Variants in LARGE1 observed in about 807,000 individuals in gnomAD.
LARGE1 encodes LARGE xylosyl- and glucuronyltransferase 1, also known as xylosyl- and glucuronyltransferase LARGE1.
A neutral mutation model predicts 87.6 loss-of-function variants in LARGE1; 43 were observed. The ratio of observed to expected loss-of-function variants is 0.49; its 90% CI spans 0.38 to 0.63. LARGE1 has a LOEUF of 0.63. LARGE1 is among the 30% of genes least tolerant of loss of function. LARGE1 has a pLI of 0.00. For synonymous variants in LARGE1, 434 were observed against 394.6 expected, an observed-to-expected ratio of 1.10 and a Z score of -1.18; for missense variants, 802 against 1,000.2, an observed-to-expected ratio of 0.80 and a Z score of 2.67.
the LARGE1 span, chr22:33,105,601 C>G: frequency 2.6e-5 from 4 of 152,208 alleles, no homozygotes; most frequent in East Asian, 7.7e-4. Context: ...GTTTCCTCCT[C>G]CAGAAACGTG....
intron 2 of LARGE1, among the ~76,000 whole-genome samples, chr22:33,695,645 AC>A (rs1340850763): frequency 6.6e-6 from 1 of 152,198 alleles, no homozygotes; most frequent in African/African-American, 2.4e-5. Flanking sequence ...GCATTTCAAA[AC>A]AGTAAGATAG....
At chr22:33,605,759 G>A (rs2079235737) in intron 4 of LARGE1, among the ~76,000 whole-genome samples, 1 of 152,158 alleles carries the variant, frequency 6.6e-6, no homozygotes, top group Admixed American at 6.5e-5. Context: ...GAATGACCCG[G>A]CCCGCTGACC....
intron 6 of LARGE1, among the ~76,000 whole-genome samples, chr22:33,459,824 C>T: frequency 6.6e-6 from 1 of 151,336 alleles, no homozygotes; most frequent in Non-Finnish European, 1.5e-5. Flanking sequence ...CTGATATTTA[C>T]ATTACACCGC....
chr22:33,358,047 C>T (rs191246946), intron 9 of LARGE1, among the ~76,000 whole-genome samples: 9 of 152,234 alleles, frequency 5.9e-5, no homozygotes, highest in East Asian at 1.9e-4. Context: ...TGAGAGATCC[C>T]GCATACAAGC....
chr22:33,656,511 A>T (rs1166601966), intron 2 of LARGE1, among the ~76,000 whole-genome samples: 1 of 152,140 alleles, frequency 6.6e-6, no homozygotes, highest in Non-Finnish European at 1.5e-5. Flanking sequence ...CAATACTCAA[A>T]TTCTCTGCTG....
intron 5 of LARGE1, among the ~76,000 whole-genome samples, chr22:33,591,839 C>CT: frequency 7.3e-6 from 1 of 136,514 alleles, no homozygotes; most frequent in Non-Finnish European, 1.6e-5. Context: ...AGACCCGTCT[C>CT]TCCAAAAAAA....
chr22:33,288,660 A>G (rs5998849), intron 12 of LARGE1, among the ~76,000 whole-genome samples: 13,504 of 152,216 alleles, frequency 0.089, 1,820 homozygotes, highest in African/African-American at 0.29. Context: ...AGAAATTAAT[A>G]CCAGGTACCT....
chr22:33,865,283 G>A (rs1255838475), intron 1 of LARGE1, among the ~76,000 whole-genome samples: 1 of 152,188 alleles, frequency 6.6e-6, no homozygotes, highest in Non-Finnish European at 1.5e-5. Flanking sequence ...CAGCAAGACT[G>A]CAGATAATTT....
chr22:33,503,221 G>C (rs2070567941), intron 6 of LARGE1, among the ~76,000 whole-genome samples: 1 of 151,526 alleles, frequency 6.6e-6, no homozygotes, highest in South Asian at 2.1e-4. Flanking sequence ...AGTTGCCTTG[G>C]AAAATGGTTT....
At chr22:33,609,746 G>A (rs1483172196) in intron 4 of LARGE1, among the ~76,000 whole-genome samples, 3 of 152,128 alleles carry the variant, frequency 2.0e-5, no homozygotes, top group Non-Finnish European at 4.4e-5. Flanking sequence ...TTTTGGAGGT[G>A]AGGCCTGATG....
At chr22:33,819,886 G>T (rs909037953) in intron 1 of LARGE1, among the ~76,000 whole-genome samples, 17 of 152,196 alleles carry the variant, frequency 1.1e-4, no homozygotes, top group African/African-American at 3.1e-4. Flanking sequence ...ATACAGTGAG[G>T]TGTGACCATG....
chr22:33,515,419 T>A (rs1483954103), intron 6 of LARGE1, among the ~76,000 whole-genome samples: 1 of 151,968 alleles, frequency 6.6e-6, no homozygotes, highest in Non-Finnish European at 1.5e-5. Context: ...CTCCGGAGGG[T>A]CTGCTTGCTG....
At chr22:33,736,993 A>T (rs1414382473) in intron 2 of LARGE1, among the ~76,000 whole-genome samples, 1 of 152,156 alleles carries the variant, frequency 6.6e-6, no homozygotes, top group Non-Finnish European at 1.5e-5. Flanking sequence ...CCCACAAAAG[A>T]TGTACAGGTC....
chr22:33,333,813 A>G (rs1369982851), intron 10 of LARGE1, among the ~76,000 whole-genome samples: 3 of 152,134 alleles, frequency 2.0e-5, no homozygotes, highest in African/African-American at 4.8e-5. Context: ...ACAGGAGTAG[A>G]TGCTCTGACA....
At chr22:33,167,142 T>C (rs1200804111) in intron 11 of LARGE1, among the ~76,000 whole-genome samples, 1 of 152,182 alleles carries the variant, frequency 6.6e-6, no homozygotes, top group Non-Finnish European at 1.5e-5. Flanking sequence ...ATCCTAGGAA[T>C]TTCCAGGAGA....
intron 1 of LARGE1, among the ~76,000 whole-genome samples, chr22:33,764,022 G>C (rs1183468988): frequency 6.6e-6 from 1 of 151,628 alleles, no homozygotes; most frequent in African/African-American, 2.4e-5. Context: ...GCTAGTTTTT[G>C]TATTTTCAGT....
intron 5 of LARGE1, among the ~76,000 whole-genome samples, chr22:33,581,805 C>T (rs2078528095): frequency 7.1e-6 from 1 of 140,586 alleles, no homozygotes; most frequent in African/African-American, 2.6e-5. Context: ...GAGTGAAACT[C>T]CGTCTCAAAA....
chr22:33,867,374 A>G (rs1573658), intron 1 of LARGE1, among the ~76,000 whole-genome samples: 96,702 of 152,058 alleles, frequency 0.64, 30,991 homozygotes, highest in South Asian at 0.72. Context: ...GTGGGCTGGG[A>G]CTGTTCACTC....
intron 2 of LARGE1, among the ~76,000 whole-genome samples, chr22:33,755,094 T>C (rs1228646649): frequency 6.6e-6 from 1 of 152,208 alleles, no homozygotes; most frequent in Non-Finnish European, 1.5e-5. Context: ...CTGCCAGTCT[T>C]CAAAATAGCC....
Sources: gnomAD v4.1 joint callset for allele counts (sites outside exome capture counted in the v4.1 genomes callset) on GRCh38, gnomAD v4.1.1 for gene constraint, MANE v1.5 for transcripts, NCBI Gene and HGNC (gene_info 2026-07-23, HGNC 2026-07-21) for gene names.